The following LMO1 variants were observed in gnomAD, a reference collection of about 807,000 sequenced individuals.
The protein encoded by LMO1 is rhombotin-1.
LMO1 carries 10 observed loss-of-function variants against 18.0 expected under a neutral mutation model. The ratio of observed to expected loss-of-function variants is 0.55; its 90% CI spans 0.34 to 0.94. The LOEUF (loss-of-function observed/expected upper bound fraction) is 0.94, where lower values mean the gene tolerates loss of function less well. Ranked by LOEUF, LMO1 falls within the 40% of genes least tolerant of loss-of-function variation. The probability of loss-of-function intolerance (pLI) is 0.02; values close to 1 mark genes in which losing one functional copy is unlikely to be tolerated. For synonymous variants in LMO1, 77 were observed against 77.9 expected, an observed-to-expected ratio of 0.99 and a Z score of 0.06; for missense variants, 183 against 205.7, an observed-to-expected ratio of 0.89 and a Z score of 0.68.
upstream of LMO1, among the ~76,000 whole-genome samples, chr11:8,264,630 C>A (rs1012362925): frequency 6.6e-6 from 1 of 151,734 alleles, no homozygotes; most frequent in Admixed American, 6.6e-5. Context: ...CTTTTTCTTT[C>A]TTTCTGTTTT....
chr11:8,229,311 G>C (rs1952608374), intron 2 of LMO1, among the ~76,000 whole-genome samples: 2 of 152,216 alleles, frequency 1.3e-5, no homozygotes, highest in Admixed American at 6.5e-5. Context: ...AAAAGGGGCA[G>C]GCAGGTCAGT....
At chr11:8,238,219 T>G (rs1028772508) in intron 1 of LMO1, among the ~76,000 whole-genome samples, 1 of 152,236 alleles carries the variant, frequency 6.6e-6, no homozygotes, top group Non-Finnish European at 1.5e-5. Context: ...TGGAATAGTA[T>G]GTAGCAATTA....
chr11:8,229,235 C>T (rs942462736), intron 2 of LMO1, among the ~76,000 whole-genome samples: 3 of 152,162 alleles, frequency 2.0e-5, no homozygotes, highest in African/African-American at 4.8e-5. Context: ...CTCTCCCCTC[C>T]AGCCCTGGCA....
At chr11:8,236,433 T>C (rs1952761431) in intron 1 of LMO1, among the ~76,000 whole-genome samples, 1 of 151,720 alleles carries the variant, frequency 6.6e-6, no homozygotes, top group Admixed American at 6.6e-5. Context: ...CTCGAACTCC[T>C]GGGCTCAAGC....
intron 1 of LMO1, among the ~76,000 whole-genome samples, chr11:8,250,165 T>A (rs1846965386): frequency 6.6e-6 from 1 of 152,206 alleles, no homozygotes; most frequent in Admixed American, 6.5e-5. Context: ...ATTAGAGTTT[T>A]TGCCACTGTC....
chr11:8,255,993 T>C lies in LMO1; in HGVS notation c.25+7345A>G, dbSNP rs1253211779. On this transcript the variant is annotated intron_variant, in intron 1 of 3. Transcript: ENST00000335790. ...GGCGCCCGCCACCACGCCCGGCTAA[T>C]TTTTTGTATTTTTGGTAGAGACGGG... Among the ~76,000 whole-genome samples the C allele has an allele frequency of 2.6e-5, 4 of 151,960 alleles. No individual in the cohort carries two copies. The East Asian group carries it at 7.7e-4, about 29-fold the overall frequency.
chr11:8,235,580 C>T (rs1952747989), intron 1 of LMO1, among the ~76,000 whole-genome samples: 1 of 152,134 alleles, frequency 6.6e-6, no homozygotes, highest in Non-Finnish European at 1.5e-5. Context: ...AAATCCTGGG[C>T]CCTGCATCGC....
intron 1 of LMO1, among the ~76,000 whole-genome samples, chr11:8,260,853 C>T (rs895848511): frequency 3.3e-5 from 5 of 151,944 alleles, no homozygotes; most frequent in African/African-American, 4.8e-5. Context: ...CAAAAGGTGC[C>T]GTATGCAGGG....
At chr11:8,230,262 G>C in intron 2 of LMO1, 29 bp downstream of exon 2, 1 of 1,604,760 alleles carries the variant, frequency 6.2e-7, no homozygotes, top group Non-Finnish European at 8.5e-7. Flanking sequence ...CAGGACAAGG[G>C]CTTGGGAGGC....
At chr11:8,225,103 G>A (rs559020066) in intron 3 of LMO1, among the ~76,000 whole-genome samples, 1 of 152,156 alleles carries the variant, frequency 6.6e-6, no homozygotes, top group Non-Finnish European at 1.5e-5. Flanking sequence ...AGACCAAGTG[G>A]GGAGACAGAT....
intron 1 of LMO1, among the ~76,000 whole-genome samples, chr11:8,249,791 C>T (rs1194844850): frequency 6.6e-6 from 1 of 152,176 alleles, no homozygotes; most frequent in Admixed American, 6.5e-5. Context: ...ACAAAGGAAT[C>T]CTTATGATTC....
intron 1 of LMO1, among the ~76,000 whole-genome samples, chr11:8,253,017 G>A (rs1847030328): frequency 6.6e-6 from 1 of 152,264 alleles, no homozygotes. Context: ...CCTGCAGACA[G>A]CTCTCTGCCT....
chr11:8,224,785 A>T, intron 3 of LMO1, 64 bp from the exon 4 acceptor site: 1 of 1,058,544 alleles, frequency 9.4e-7, no homozygotes, highest in Non-Finnish European at 1.4e-6. Flanking sequence ...GGGGGGCTGC[A>T]GACAGAAGCC....
At chr11:8,229,540 T>TC (rs370536112) in intron 2 of LMO1, among the ~76,000 whole-genome samples, 1 of 152,222 alleles carries the variant, frequency 6.6e-6, no homozygotes, top group African/African-American at 2.4e-5. Flanking sequence ...TGTGGCCTCC[T>TC]TCCAGCCTTG....
chr11:8,236,434 G>C (rs1952761462), intron 1 of LMO1, among the ~76,000 whole-genome samples: 2 of 151,466 alleles, frequency 1.3e-5, no homozygotes, highest in Non-Finnish European at 2.9e-5. Context: ...TCGAACTCCT[G>C]GGCTCAAGCA....
At chr11:8,254,900 A>T (rs1368421747) in intron 1 of LMO1, among the ~76,000 whole-genome samples, 1 of 152,150 alleles carries the variant, frequency 6.6e-6, no homozygotes, top group Non-Finnish European at 1.5e-5. Flanking sequence ...CAATTACTCA[A>T]TCTCTTTGTA....
At chr11:8,268,298 C>T (rs1483536844), upstream of LMO1, 3 of 692,684 alleles carry the variant, frequency 4.3e-6, no homozygotes, top group Non-Finnish European at 4.2e-6. Context: ...ACCCATCAGC[C>T]GGAGGAGGCC....
chr11:8,245,964 G>A (rs900723162), intron 1 of LMO1, among the ~76,000 whole-genome samples: 1 of 152,100 alleles, frequency 6.6e-6, no homozygotes, highest in Non-Finnish European at 1.5e-5. Context: ...GAGCAAGGGA[G>A]ATGGGGGAGG....
intron 3 of LMO1, among the ~76,000 whole-genome samples, chr11:8,225,523 G>A (rs997182192): frequency 6.6e-6 from 1 of 151,658 alleles, no homozygotes. Flanking sequence ...CTCAGTACAG[G>A]GCATTCTTCC....
Sources: gnomAD v4.1 joint callset for allele counts (sites outside exome capture counted in the v4.1 genomes callset) on GRCh38, gnomAD v4.1.1 for gene constraint, MANE v1.5 for transcripts, NCBI Gene and HGNC (gene_info 2026-07-23, HGNC 2026-07-21) for gene names.